FNDC3B: variants seen among roughly 807,000 people sequenced by gnomAD.
FNDC3B encodes the protein fibronectin type III domain containing 3B.
FNDC3B carries 12 observed loss-of-function variants against 151.5 expected under a neutral mutation model. That is an observed-to-expected ratio of 0.08 (90% CI 0.05 to 0.13). The LOEUF (loss-of-function observed/expected upper bound fraction) is 0.13, where lower values mean the gene tolerates loss of function less well. Ranked by LOEUF, FNDC3B falls within the 10% of genes least tolerant of loss-of-function variation. FNDC3B has a pLI of 1.00. For missense variants in FNDC3B, 1,214 were observed against 1,505.3 expected (o/e 0.81, Z 3.20); for synonymous variants, 528 against 549.0 (o/e 0.96, Z 0.54).
chr3:172,300,056 T>C (rs1321426747), intron 9 of FNDC3B, among the ~76,000 whole-genome samples: 1 of 152,248 alleles, frequency 6.6e-6, no homozygotes, highest in African/African-American at 2.4e-5. Context: ...ATGAGCTCTC[T>C]TGCAACCATC....
At chr3:172,129,835 G>A (rs184995560) in intron 2 of FNDC3B, among the ~76,000 whole-genome samples, 4 of 152,122 alleles carry the variant, frequency 2.6e-5, no homozygotes, top group African/African-American at 9.7e-5. Context: ...TGAAGACATG[G>A]TGCAGTATGA....
At position 172,126,190 on chromosome 3, in the gene FNDC3B, G is replaced by A. The variant is rs1720801417; in HGVS notation, c.112-7281G>A. Among the ~76,000 whole-genome samples, 5 of 151,980 alleles carry A rather than the reference G, an allele frequency of 3.3e-5. No individual in the cohort carries two copies. The South Asian group carries it at 1.0e-3, about 32-fold the overall frequency. On this transcript the variant is annotated intron_variant, in intron 2 of 25. Transcript: ENST00000415807. ...CTCATTATACTGCACTGATGTCATG[G>A]TACATAAACTGGCTCCGAATTCAAC...
In FNDC3B at chr3:172,263,794, A is replaced by C. The variant is rs536923213; in HGVS notation, c.790+12253A>C. On this transcript the variant is annotated intron_variant, in intron 6 of 25. Transcript: ENST00000415807. Reference sequence around the variant, plus strand: ...CTCTGGGTATAGTGGTCTCAACATCATCTACAACATTACGCATGAGGACTG... The same window carrying C: ...CTCTGGGTATAGTGGTCTCAACATCCTCTACAACATTACGCATGAGGACTG... Among the ~76,000 whole-genome samples, 4 of 152,240 alleles carry C rather than the reference A, an allele frequency of 2.6e-5. No individual in the cohort carries two copies. The East Asian group carries it at 7.7e-4, about 29-fold the overall frequency.
At chr3:172,061,193 T>C (rs1717177440) in intron 1 of FNDC3B, among the ~76,000 whole-genome samples, 1 of 152,076 alleles carries the variant, frequency 6.6e-6, no homozygotes, top group Admixed American at 6.6e-5. Context: ...CATGAAGTGA[T>C]ACCAATTTTT....
intron 4 of FNDC3B, among the ~76,000 whole-genome samples, chr3:172,243,939 A>G (rs1194268848): frequency 1.3e-5 from 2 of 152,304 alleles, no homozygotes; most frequent in South Asian, 2.1e-4. Context: ...CCAAGGCTCT[A>G]TGCTTCTCTG....
At position 172,084,249 on chromosome 3, in the gene FNDC3B, G is replaced by T. The variant is rs565367278; in HGVS notation, c.-28-28203G>T. On this transcript the variant is annotated intron_variant, in intron 1 of 25. Transcript: ENST00000415807. ...GGATTGCTTGAGGCCAGGAGTTTGA[G>T]ACCAGGCTGGACAATGTTGCAAAAC... 9.9e-5 allele frequency among the ~76,000 whole-genome samples: 15 copies of T among 152,138 alleles called. No homozygotes were observed. In the South Asian group the frequency reaches 1.7e-3, roughly 17 times the overall value.
intron 2 of FNDC3B, among the ~76,000 whole-genome samples, chr3:172,131,321 A>G (rs1277365544): frequency 2.6e-5 from 4 of 151,430 alleles, no homozygotes; most frequent in Non-Finnish European, 2.9e-5. Flanking sequence ...TGAACCTGGG[A>G]GGCGGAGGTT....
At chr3:172,053,130 A>G (rs1301870790) in intron 1 of FNDC3B, among the ~76,000 whole-genome samples, 1 of 152,180 alleles carries the variant, frequency 6.6e-6, no homozygotes, top group African/African-American at 2.4e-5. Flanking sequence ...ATCTATATAC[A>G]AACACACTTT....
Position 172,049,588 on chromosome 3 carries a change from C to A in FNDC3B, c.-29+9817C>A, listed in dbSNP as rs535792023. ...TATTGTCCAGGGTGGAGTGCAATGGCGCGATCTCGGCTCACCCTGACCTCT... is the reference window on the plus strand; with the variant it reads ...TATTGTCCAGGGTGGAGTGCAATGGAGCGATCTCGGCTCACCCTGACCTCT... On this transcript the variant is annotated intron_variant, in intron 1 of 25. Coordinates refer to ENST00000415807, the MANE Select transcript of FNDC3B (RefSeq NM_022763.4). Among the ~76,000 whole-genome samples the A allele has an allele frequency of 2.0e-5, 3 of 152,022 alleles. No homozygotes were observed. The East Asian group carries it at 5.8e-4, about 29-fold the overall frequency.
chr3:172,281,039 C>T (rs4894537), intron 6 of FNDC3B, among the ~76,000 whole-genome samples: 79,583 of 151,622 alleles, frequency 0.52, 23,951 homozygotes, highest in African/African-American at 0.84. Flanking sequence ...AGCCCCCTTT[C>T]CCTTTTTTAG....
intron 1 of FNDC3B, among the ~76,000 whole-genome samples, chr3:172,065,104 C>T (rs1010133905): frequency 5.9e-5 from 9 of 152,108 alleles, no homozygotes; most frequent in African/African-American, 2.2e-4. Context: ...GAGTCTGAGG[C>T]GGACGGATCA....
intron 3 of FNDC3B, chr3:172,187,037 A>C (rs1486982047): frequency 3.0e-6 from 1 of 337,712 alleles, no homozygotes; most frequent in East Asian, 5.2e-5. Flanking sequence ...TCCACCTGAA[A>C]GAGTCCTTCC....
At chr3:172,145,379 G>A (rs1295263083) in intron 3 of FNDC3B, among the ~76,000 whole-genome samples, 2 of 152,182 alleles carry the variant, frequency 1.3e-5, no homozygotes. Context: ...ATGTTATTCT[G>A]TGTTAGAGAA....
rs762857666 is a variant in FNDC3B, at chr3:172,352,910, C to G, written c.2622C>G (p.Pro874=). ...VSTLCVLEEE[P]LDAYPDSPSA... is the part of the protein sequence containing the mutation. ...CTCTCTGTGTCCTGGAGGAGGAGCC[C>G]CTTGATGCCTACCCTGATTCACCTT... Residue 874 remains proline, a synonymous_variant, in exon 22 of 26, where the codon CCC becomes CCG. Transcript: ENST00000415807. This position sits in a 1 kb window ranked among gnomAD's most constrained non-coding sequence, Gnocchi z 4.2. The G allele has an allele frequency of 3.6e-5, 58 of 1,614,048 alleles. No homozygotes were observed. The highest frequency in any genetic ancestry group is 1.7e-5 in the Admixed American group (1 of 60,000).
chr3:172,353,324 T>G (rs1733946758), intron 22 of FNDC3B, among the ~76,000 whole-genome samples: 1 of 152,128 alleles, frequency 6.6e-6, no homozygotes, highest in Non-Finnish European at 1.5e-5. Context: ...TACCCCAGAG[T>G]GGACTCAAAT....
chr3:172,241,310 A>C (rs1483351658), intron 4 of FNDC3B, among the ~76,000 whole-genome samples: 1 of 151,962 alleles, frequency 6.6e-6, no homozygotes, highest in Non-Finnish European at 1.5e-5. Context: ...TTATTTTCTT[A>C]CAATTCTAGA....
chr3:172,165,213 T>C (rs1200143825), intron 3 of FNDC3B, among the ~76,000 whole-genome samples: 1 of 152,204 alleles, frequency 6.6e-6, no homozygotes, highest in Admixed American at 6.5e-5. Context: ...TTTCACCATG[T>C]TGCCCAGGCT....
At chr3:172,148,905 C>G (rs1302338291) in intron 3 of FNDC3B, among the ~76,000 whole-genome samples, 3 of 152,174 alleles carry the variant, frequency 2.0e-5, no homozygotes, top group Non-Finnish European at 4.4e-5. Context: ...AGATGTAACT[C>G]AAGAACAACA....
At chr3:172,192,195 G>C (rs1259067196) in intron 3 of FNDC3B, among the ~76,000 whole-genome samples, 2 of 138,550 alleles carry the variant, frequency 1.4e-5, no homozygotes, top group African/African-American at 2.7e-5. Flanking sequence ...TTTTTTGAGA[G>C]GGAGTCTTGC....
Sources: gnomAD v4.1 joint callset for allele counts (sites outside exome capture counted in the v4.1 genomes callset) on GRCh38, gnomAD v4.1.1 for gene constraint, Gnocchi (gnomAD v3.1) non-coding constraint, MANE v1.5 for transcripts, NCBI Gene and HGNC (gene_info 2026-07-23, HGNC 2026-07-21) for gene names.